The following CACNA1H variants were observed in gnomAD, a reference collection of about 807,000 sequenced individuals.
The protein encoded by CACNA1H is calcium voltage-gated channel subunit alpha1 H, also known as voltage-dependent T-type calcium channel subunit alpha-1H.
A neutral mutation model predicts 192.5 loss-of-function variants in CACNA1H; 149 were observed. The ratio of observed to expected loss-of-function variants is 0.77; its 90% CI spans 0.68 to 0.89. The LOEUF (loss-of-function observed/expected upper bound fraction) is 0.89. Among genes scored for constraint, CACNA1H ranks in the 40% least tolerant of loss-of-function variants. The pLI, the probability that CACNA1H is intolerant of heterozygous loss-of-function variation, is 0.00. For synonymous variants in CACNA1H, 2,202 were observed against 1,475.2 expected (o/e 1.49, Z -11.29); for missense variants, 4,257 against 3,423.5 (o/e 1.24, Z -6.08).
In CACNA1H at chr16:1,214,952, G is replaced by GCCCGA; in HGVS notation, c.4930-16_4930-12dup. The stretch of plus-strand genomic sequence containing the variant: ...GGTGGCCCCAGCCCCACCTCAGCCA[G>GCCCGA]CCCGACCCTCCACCCCCAGTCGCTG... On this transcript the variant is annotated intron_variant, in intron 27 of 34. Coordinates refer to ENST00000348261, the MANE Select transcript of CACNA1H (RefSeq NM_021098.3). The GCCCGA allele has an allele frequency of 6.4e-7, 1 of 1,570,974 alleles. No individual in the cohort carries two copies. Among genetic ancestry groups the GCCCGA allele is most frequent in the Non-Finnish European group, 8.7e-7 (1 of 1,152,198 alleles).
chr16:1,195,653 A>AT, intron 4 of CACNA1H, 88 bp downstream of exon 4: 1 of 1,435,600 alleles, frequency 7.0e-7, no homozygotes, highest in Non-Finnish European at 9.5e-7. Flanking sequence ...GTAAAGAAAA[A>AT]TGGGAGGTGT....
chr16:1,163,383 G>A (rs1963425647), intron 2 of CACNA1H, among the ~76,000 whole-genome samples: 1 of 152,242 alleles, frequency 6.6e-6, no homozygotes. Context: ...CGTGCTCCCG[G>A]GAGGGGGTGC....
At position 1,210,082 on chromosome 16, in the gene CACNA1H, G is replaced by A. The variant is rs200228767; in HGVS notation, c.3792G>A (p.Gln1264=). The A allele has an allele frequency of 1.9e-6, 3 of 1,559,740 alleles. No individual in the cohort carries two copies. Among genetic ancestry groups the A allele is most frequent in the African/African-American group, 1.4e-5 (1 of 73,290 alleles). The change falls in exon 18 of 35, where the codon CAG becomes CAA. Residue 1264 remains glutamine (Q), a synonymous_variant. Coordinates refer to ENST00000348261, the MANE Select transcript of CACNA1H (RefSeq NM_021098.3). ...LHKVLEPYKP[Q]WCRSREAWAL... is the part of the protein sequence containing the mutation. The stretch of plus-strand genomic sequence containing the variant: ...AAGTGCTGGAGCCCTACAAGCCCCA[G>A]TGGTGCCGGAGCCGCGAGGCCTGGG...
At chr16:1,196,943 G>A (rs1166913665) in intron 5 of CACNA1H, among the ~76,000 whole-genome samples, 1 of 151,722 alleles carries the variant, frequency 6.6e-6, no homozygotes, top group Non-Finnish European at 1.5e-5. Flanking sequence ...GGCCCCGTGT[G>A]TGCACGTGCG....
In CACNA1H at chr16:1,154,049, G is replaced by A; in HGVS notation, c.299+13G>A. ...TGGTCTGCAACCCATATCCTTCCCG[G>A]CCGGCGGGGGGCGGGGGGCGGGGGG... On this transcript the variant is annotated intron_variant, in intron 2 of 34. Transcript: ENST00000348261. The A allele has an allele frequency of 6.6e-6, 7 of 1,058,352 alleles. No homozygotes were observed. The highest frequency in any genetic ancestry group is 8.3e-6 in the Non-Finnish European group (7 of 841,812). 65.6% of individuals were successfully genotyped at this position (1,058,352 alleles called of 1,614,324 possible).
chr16:1,159,987 A>G (rs1412587395), intron 2 of CACNA1H: 1 of 152,432 alleles, frequency 6.6e-6, no homozygotes, highest in Non-Finnish European at 1.5e-5. Flanking sequence ...GCTGCAGAAG[A>G]GACGTCCCGT....
At chr16:1,200,167 G>C in intron 6 of CACNA1H, 89 bp from the exon 7 acceptor site, 2 of 1,098,942 alleles carry the variant, frequency 1.8e-6, no homozygotes. Context: ...CCCTGACCTT[G>C]ATCACGTCCC....
chr16:1,183,790 G>T (rs967068062), intron 2 of CACNA1H, among the ~76,000 whole-genome samples: 1 of 152,266 alleles, frequency 6.6e-6, no homozygotes, highest in African/African-American at 2.4e-5. Context: ...ACGTGACCTG[G>T]CGTGTTGCTC....
intron 9 of CACNA1H, among the ~76,000 whole-genome samples, chr16:1,203,061 G>A (rs577455365): frequency 4.6e-5 from 7 of 152,260 alleles, no homozygotes; most frequent in Admixed American, 1.3e-4. Flanking sequence ...ATGTAGAGAC[G>A]CAGGCGGGGG....
chr16:1,209,329 G>C lies in CACNA1H; in HGVS notation c.3661G>C (p.Val1221Leu). 6.3e-7 allele frequency: 1 copy of C among 1,598,022 alleles called. No individual in the cohort carries two copies. Among genetic ancestry groups the C allele is most frequent in the African/African-American group, 1.3e-5 (1 of 75,038 alleles). ...CAAGTGCCGCGATCGCGACGGGCAG[G>C]TGGTGGCCCTGCCCAGCGACTTCTT... ...PTKCRDRDGQ[V>L]VALPSDFFLR... is the part of the protein sequence containing the mutation. The change falls in exon 17 of 35, where the codon GTG becomes CTG. Residue 1221 changes from valine to leucine, a missense_variant. Val to Leu is a conservative substitution (Grantham distance 32). Transcript: ENST00000348261.
Position 1,221,737 on chromosome 16 carries a change from G to A in CACNA1H, c.*743G>A, listed in dbSNP as rs776285307. ...GCTTCTCAAGGGAGAGGGAGGGGGC[G>A]GAGCGGAATAAATAGTAACTTATTT... On this transcript the variant is annotated 3_prime_UTR_variant, in exon 35 of 35. Coordinates refer to ENST00000348261, the MANE Select transcript of CACNA1H (RefSeq NM_021098.3). 26 of 1,496,818 alleles carry A rather than the reference G, an allele frequency of 1.7e-5. No individual in the cohort carries two copies. In the South Asian group the frequency reaches 2.2e-4, roughly 13 times the overall value. 92.7% of individuals were successfully genotyped at this position (1,496,818 alleles called of 1,614,324 possible).
At chr16:1,189,895 C>T (rs546876102) in intron 2 of CACNA1H, among the ~76,000 whole-genome samples, 37 of 152,324 alleles carry the variant, frequency 2.4e-4, no homozygotes, top group African/African-American at 8.7e-4. Context: ...TGAGCCCAGT[C>T]CAGTGGGGGC....
rs796933905 is a variant in CACNA1H at position 1,189,529 on chromosome 16, A to T, written c.300-5443A>T. On this transcript the variant is annotated intron_variant, in intron 2 of 34. Transcript: ENST00000348261. ...CCTCCTGGGGTCAAGCGATCCTCCCACTTCAGCCTCCCCGAGTAGCTGCCA... is the reference window on the plus strand; with the variant it reads ...CCTCCTGGGGTCAAGCGATCCTCCCTCTTCAGCCTCCCCGAGTAGCTGCCA... 1.9e-4 allele frequency among the ~76,000 whole-genome samples: 27 copies of T among 144,234 alleles called. 1 individual carries two copies. The highest frequency in any genetic ancestry group is 6.4e-4 in the African/African-American group (25 of 39,072). 94.6% of individuals were successfully genotyped at this position (144,234 alleles called of 152,430 possible).
chr16:1,159,304 CACAGGAGCCTGT>C (rs780813885), intron 2 of CACNA1H, among the ~76,000 whole-genome samples: 231 of 152,300 alleles, frequency 1.5e-3, no homozygotes, highest in Admixed American at 4.8e-3. Flanking sequence ...GCCCGGTGGG[CACAGGAGCCTGT>C]GCGGGAGGAG....
chr16:1,211,985 A>G lies in CACNA1H; in HGVS notation c.4606A>G (p.Ile1536Val). 6.2e-7 allele frequency: 1 copy of G among 1,613,424 alleles called. No individual in the cohort carries two copies. Among genetic ancestry groups the G allele is most frequent in the Non-Finnish European group, 8.5e-7 (1 of 1,179,656 alleles). The change falls in exon 25 of 35, where the codon ATC (isoleucine) becomes GTC (valine). Residue 1536 changes from isoleucine to valine, a missense_variant. Physicochemically the swap from Ile to Val is conservative, Grantham distance 29 (BLOSUM62 3). Transcript: ENST00000348261. ...CAACCCCTGGATGCTGCTGTACTTCATCTCCTTCCTGCTCATCGTCAGCTT... is the reference window on the plus strand; with the variant it reads ...CAACCCCTGGATGCTGCTGTACTTCGTCTCCTTCCTGCTCATCGTCAGCTT... ...NHNPWMLLYF[I>V]SFLLIVSFFV... is the part of the protein sequence containing the mutation.
At chr16:1,198,241 G>T (rs1003757486) in intron 5 of CACNA1H, among the ~76,000 whole-genome samples, 1 of 152,134 alleles carries the variant, frequency 6.6e-6, no homozygotes. Flanking sequence ...GATGCCACGT[G>T]GTCAGACCTG....
chr16:1,215,005 G>A lies in CACNA1H; in HGVS notation c.4963G>A (p.Val1655Ile), dbSNP rs535413428. ...LDEALKYCNY[V>I]FTIVFVFEAA... Reference sequence around the variant, plus strand: ...CGAGGCCCTCAAGTACTGCAACTACGTCTTCACCATCGTGTTTGTCTTCGA... The same window carrying A: ...CGAGGCCCTCAAGTACTGCAACTACATCTTCACCATCGTGTTTGTCTTCGA... Residue 1655 changes from valine (V) to isoleucine (I), a missense_variant, in exon 28 of 35, where the codon GTC becomes ATC. Coordinates refer to ENST00000348261, the MANE Select transcript of CACNA1H (RefSeq NM_021098.3). The A allele has an allele frequency of 2.2e-5, 36 of 1,612,252 alleles. No homozygotes were observed. The highest frequency in any genetic ancestry group is 1.9e-4 in the African/African-American group (14 of 74,888).
intron 30 of CACNA1H, among the ~76,000 whole-genome samples, chr16:1,216,196 C>T (rs886405583): frequency 3.3e-5 from 5 of 152,216 alleles, no homozygotes; most frequent in African/African-American, 1.2e-4. Context: ...CCACCCATTT[C>T]CTGTCCCTGC....
chr16:1,202,394 G>T lies in CACNA1H; in HGVS notation c.1944G>T (p.Pro648=). The stretch of plus-strand genomic sequence containing the variant: ...CGCCAGGCACCGGGGGGCACGGCCC[G>T]TTGAGCTTGAACAGCCCTGATCCCT... ...GGPPGTGGHG[P]LSLNSPDPYE... Residue 648 remains proline, a synonymous_variant, in exon 9 of 35, where the codon CCG becomes CCT. Transcript: ENST00000348261. 2 of 1,544,916 alleles carry T rather than the reference G, an allele frequency of 1.3e-6. No homozygotes were observed. The highest frequency in any genetic ancestry group is 8.7e-7 in the Non-Finnish European group (1 of 1,145,578).
Sources: gnomAD v4.1 joint callset for allele counts (sites outside exome capture counted in the v4.1 genomes callset) on GRCh38, gnomAD v4.1.1 for gene constraint, MANE v1.5 for transcripts, NCBI Gene and HGNC (gene_info 2026-07-23, HGNC 2026-07-21) for gene names.